The following ZFYVE26 variants were observed in gnomAD, a reference collection of about 807,000 sequenced individuals.
The protein encoded by ZFYVE26 is zinc finger FYVE-type containing 26.
A neutral mutation model predicts 276.5 loss-of-function variants in ZFYVE26; 181 were observed. That is an observed-to-expected ratio of 0.65 (90% CI 0.58 to 0.74). The LOEUF is 0.74. Among genes scored for constraint, ZFYVE26 ranks in the 30% least tolerant of loss-of-function variants. The probability of loss-of-function intolerance (pLI) is 0.00; values close to 1 mark genes in which losing one functional copy is unlikely to be tolerated. For missense variants in ZFYVE26, 2,821 were observed against 3,097.9 expected, an observed-to-expected ratio of 0.91 and a Z score of 2.12; for synonymous variants, 1,129 against 1,203.1, an observed-to-expected ratio of 0.94 and a Z score of 1.27.
chr14:67,742,117 G>T (rs1481530374), downstream of ZFYVE26, among the ~76,000 whole-genome samples: 1 of 152,152 alleles, frequency 6.6e-6, no homozygotes, highest in East Asian at 1.9e-4. Flanking sequence ...ACATCAACTG[G>T]GGTTTCCATT....
chr14:67,799,250 G>A, intron 10 of ZFYVE26: 1 of 1,613,344 alleles, frequency 6.2e-7, no homozygotes, highest in Non-Finnish European at 8.5e-7. Flanking sequence ...GGGTGACATG[G>A]ATCAGATCAT....
chr14:67,732,484 G>T (rs2038293451), intron 13 of ZFYVE26, among the ~76,000 whole-genome samples: 1 of 141,100 alleles, frequency 7.1e-6, no homozygotes, highest in Admixed American at 7.3e-5. Flanking sequence ...CCGGTTTTAT[G>T]TAAGAGAGAA....
In ZFYVE26 at chr14:67,784,325, G is replaced by A. The variant is rs748812884; in HGVS notation, c.3626+9C>T. On this transcript the variant is annotated intron_variant, in intron 20 of 41. Transcript: ENST00000347230. ...GCCCATGGCTGACTTGCATGGAGGT[G>A]GCTCCTACCTCTCTGGGGGAACTTG... 1.2e-6 allele frequency: 2 copies of A among 1,611,822 alleles called. No homozygotes were observed. The highest frequency in any genetic ancestry group is 1.7e-6 in the Non-Finnish European group (2 of 1,177,966).
intron 41 of ZFYVE26, among the ~76,000 whole-genome samples, chr14:67,750,037 A>G (rs933448238): frequency 1.4e-4 from 22 of 152,216 alleles, no homozygotes; most frequent in Admixed American, 4.6e-4. Context: ...TTTCCCAGAA[A>G]TAGCGTCTCT....
rs1223489207 is a variant in ZFYVE26 at position 67,804,218 on chromosome 14, C to T, written c.1318G>A (p.Asp440Asn). 6.2e-7 allele frequency: 1 copy of T among 1,614,032 alleles called. No individual in the cohort carries two copies. The highest frequency in any genetic ancestry group is 1.1e-5 in the South Asian group (1 of 91,074). Residue 440 changes from aspartate (D) to asparagine (N), a missense_variant, in exon 9 of 42, where the codon GAC (aspartate) becomes AAC (asparagine). Coordinates refer to ENST00000347230, the MANE Select transcript of ZFYVE26 (RefSeq NM_015346.4). Reference sequence around the variant, plus strand: ...AGAGTGTAGAGCACTGAGTGGCTGTCTCCACCGTGTAAATGATACAACAGA... The same window carrying T: ...AGAGTGTAGAGCACTGAGTGGCTGTTTCCACCGTGTAAATGATACAACAGA... ...RDLLYHLHGG[D>N]SHSVLYTLHH... is the part of the protein sequence containing the mutation.
rs141452274 is a variant in ZFYVE26, at chr14:67,783,728, C to T, written c.3627-203G>A. ...CACGAACACTTCTGCGAGATCTATCCATATCCCTCTACAGAGAGGACCCTC... is the reference window on the plus strand; with the variant it reads ...CACGAACACTTCTGCGAGATCTATCTATATCCCTCTACAGAGAGGACCCTC... On this transcript the variant is annotated intron_variant, in intron 20 of 41. Coordinates refer to ENST00000347230, the MANE Select transcript of ZFYVE26 (RefSeq NM_015346.4). Among the ~76,000 whole-genome samples, 654 of 152,262 alleles carry T rather than the reference C, an allele frequency of 4.3e-3. 3 individuals carry two copies. Among genetic ancestry groups the T allele is most frequent in the Admixed American group, 0.021 (321 of 15,304 alleles).
At chr14:67,774,760 C>T (rs1181488821) in intron 27 of ZFYVE26, among the ~76,000 whole-genome samples, 2 of 152,054 alleles carry the variant, frequency 1.3e-5, no homozygotes, top group East Asian at 3.9e-4. Context: ...GTACACATTT[C>T]CCTTAGGAAC....
chr14:67,761,083 C>A, intron 35 of ZFYVE26: 1 of 621,540 alleles, frequency 1.6e-6, no homozygotes, highest in Non-Finnish European at 2.9e-6. Flanking sequence ...ATTCCAGAGA[C>A]ATGCTCTTAA....
intron 13 of ZFYVE26, among the ~76,000 whole-genome samples, chr14:67,737,159 G>C (rs746923540): frequency 1.3e-5 from 2 of 148,874 alleles, no homozygotes; most frequent in Non-Finnish European, 3.0e-5. Flanking sequence ...GAATTCCTGG[G>C]CTCAAGCAAT....
In ZFYVE26 at chr14:67,816,056, A is replaced by G; in HGVS notation, c.-83-10T>C. 9.7e-7 allele frequency: 1 copy of G among 1,030,666 alleles called. No individual in the cohort carries two copies. The highest frequency in any genetic ancestry group is 2.5e-5 in the Admixed American group (1 of 40,468). The allele number at this position is 1,030,666 out of a possible 1,614,324, so 63.8% of individuals were successfully genotyped here. The stretch of plus-strand genomic sequence containing the variant: ...ATTCGCGGAGTACCTCCTAGAAACA[A>G]CACAACGCCAGTGAGAAGAAACAGA... On this transcript the variant is annotated splice_polypyrimidine_tract_variant and intron_variant, in intron 1 of 41. Transcript: ENST00000347230.
intron 40 of ZFYVE26, chr14:67,751,298 A>C: frequency 3.1e-6 from 2 of 637,544 alleles, no homozygotes; most frequent in Non-Finnish European, 5.6e-6. Context: ...CCCACTATTG[A>C]TAGCAAAGGA....
At chr14:67,782,754 A>G (rs1020480888) in intron 21 of ZFYVE26, 26 bp downstream of exon 21, 3 of 1,613,740 alleles carry the variant, frequency 1.9e-6, no homozygotes, top group African/African-American at 2.7e-5. Flanking sequence ...CACTAGTGAA[A>G]AAGGGAGGCA....
chr14:67,804,205 A>C lies in ZFYVE26; in HGVS notation c.1331T>G (p.Val444Gly). The change falls in exon 9 of 42, where the codon GTG becomes GGG. Residue 444 changes from valine to glycine, a missense_variant. Val to Gly is a moderately radical substitution (Grantham distance 109, BLOSUM62 -3). Coordinates refer to ENST00000347230, the MANE Select transcript of ZFYVE26 (RefSeq NM_015346.4). The stretch of plus-strand genomic sequence containing the variant: ...TGTAAGGTGATGGAGAGTGTAGAGC[A>C]CTGAGTGGCTGTCTCCACCGTGTAA... ...YHLHGGDSHS[V>G]LYTLHHLTNL... 1 of 1,613,738 alleles carries C rather than the reference A, an allele frequency of 6.2e-7. No individual in the cohort carries two copies. Among genetic ancestry groups the C allele is most frequent in the Non-Finnish European group, 8.5e-7 (1 of 1,179,864 alleles).
intron 41 of ZFYVE26, among the ~76,000 whole-genome samples, chr14:67,749,269 A>G (rs2038571562): frequency 6.6e-6 from 1 of 152,166 alleles, no homozygotes; most frequent in Non-Finnish European, 1.5e-5. Flanking sequence ...AATCACAGGA[A>G]ATCTGGGGAG....
At chr14:67,766,991 A>T (rs2039077634) in intron 31 of ZFYVE26, among the ~76,000 whole-genome samples, 1 of 152,166 alleles carries the variant, frequency 6.6e-6, no homozygotes, top group Non-Finnish European at 1.5e-5. Flanking sequence ...GGTGGGCACC[A>T]CTGCGCCCAG....
intron 12 of ZFYVE26, among the ~76,000 whole-genome samples, chr14:67,795,203 C>T (rs532794899): frequency 6.6e-6 from 1 of 152,334 alleles, no homozygotes; most frequent in African/African-American, 2.4e-5. Context: ...ATGGGTTGTG[C>T]ATTCTTGTGC....
At position 67,777,743 on chromosome 14, in the gene ZFYVE26, C is replaced by A. The variant is rs200338375; in HGVS notation, c.4798-8G>T. The A allele has an allele frequency of 1.2e-6, 2 of 1,614,138 alleles. No individual in the cohort carries two copies. Among genetic ancestry groups the A allele is most frequent in the South Asian group, 2.2e-5 (2 of 91,058 alleles). ...AGGGATTCTTCGCAGGAGCTATTGT[C>A]AAAGGGTAGAGGAGGAAGGTGTGGC... On this transcript the variant is annotated splice_polypyrimidine_tract_variant and splice_region_variant and intron_variant, in intron 24 of 41. Coordinates refer to ENST00000347230, the MANE Select transcript of ZFYVE26 (RefSeq NM_015346.4).
At chr14:67,794,284 T>C in intron 12 of ZFYVE26, 45 bp from the exon 13 acceptor site, 1 of 1,584,518 alleles carries the variant, frequency 6.3e-7, no homozygotes, top group Non-Finnish European at 8.7e-7. Flanking sequence ...ATCAGCTCCT[T>C]ATAGAGTAGG....
chr14:67,749,575 C>T (rs748033078), intron 41 of ZFYVE26, among the ~76,000 whole-genome samples: 2 of 152,132 alleles, frequency 1.3e-5, no homozygotes, highest in African/African-American at 4.8e-5. Context: ...TGCAATAATC[C>T]CTGTTGGTTA....
Sources: gnomAD v4.1 joint callset for allele counts (sites outside exome capture counted in the v4.1 genomes callset) on GRCh38, gnomAD v4.1.1 for gene constraint, MANE v1.5 for transcripts, NCBI Gene and HGNC (gene_info 2026-07-23, HGNC 2026-07-21) for gene names.